The following BEST1 variants were observed in gnomAD, a reference collection of about 807,000 sequenced individuals.
BEST1 encodes the protein bestrophin 1.
In BEST1, 58 loss-of-function variants were observed where a neutral mutation model predicts 63.3. That is an observed-to-expected ratio of 0.92 (90% CI 0.74 to 1.14). The LOEUF is 1.14. BEST1 is among the 50% of genes most tolerant of loss of function. The pLI is 0.00. For missense variants in BEST1, 671 were observed against 740.1 expected, an observed-to-expected ratio of 0.91 and a Z score of 1.08; for synonymous variants, 283 against 291.6, an observed-to-expected ratio of 0.97 and a Z score of 0.30.
intron 2 of BEST1, among the ~76,000 whole-genome samples, chr11:61,953,522 C>T (rs1480935069): frequency 6.6e-6 from 1 of 152,144 alleles, no homozygotes; most frequent in East Asian, 1.9e-4. Flanking sequence ...ACCAGCCTGG[C>T]CAACATAGTG....
chr11:61,957,340 G>T (rs1262298576), intron 5 of BEST1, 47 bp from the exon 6 acceptor site: 1 of 1,552,172 alleles, frequency 6.4e-7, no homozygotes, highest in Non-Finnish European at 8.9e-7. Flanking sequence ...AGCCCAGGGT[G>T]GGGGCAGGTG....
At chr11:61,963,276 G>A in intron 10 of BEST1, 1 of 1,370,422 alleles carries the variant, frequency 7.3e-7, no homozygotes, top group Non-Finnish European at 9.4e-7. Flanking sequence ...ACCATGAGGT[G>A]GCAGTCAGCT....
rs1314498999 is a variant in BEST1, at chr11:61,960,142, CAGTA to C, written c.1100+103_1100+106del. 2.7e-5 allele frequency: 39 copies of C among 1,450,984 alleles called. No homozygotes were observed. In the East Asian group the frequency reaches 3.0e-4, roughly 11 times the overall value. 89.9% of individuals were successfully genotyped at this position (1,450,984 alleles called of 1,614,324 possible). On this transcript the variant is annotated intron_variant, in intron 9 of 10. Coordinates refer to ENST00000378043, the MANE Select transcript of BEST1 (RefSeq NM_004183.4). ...ACTAGTTAATGCATACAGGTTGCTT[CAGTA>C]AGTGTCAGGCACTGTACTATGCTCT...
chr11:61,955,905 C>G lies in BEST1; in HGVS notation c.435C>G (p.Thr145=). The G allele has an allele frequency of 6.4e-7, 1 of 1,550,390 alleles. No homozygotes were observed. Among genetic ancestry groups the G allele is most frequent in the Non-Finnish European group, 8.7e-7 (1 of 1,146,900 alleles). Reference sequence around the variant, plus strand: ...TGCTCATCCTGCGCAGCGTCAGCACCGCAGTCTACAAGCGCTTCCCCAGCG... The same window carrying G: ...TGCTCATCCTGCGCAGCGTCAGCACGGCAGTCTACAAGCGCTTCCCCAGCG... ...GNVLILRSVS[T]AVYKRFPSAQ... is the part of the protein sequence containing the mutation. Residue 145 remains threonine (T), a synonymous_variant, in exon 4 of 11, where the codon ACC becomes ACG. Coordinates refer to ENST00000378043, the MANE Select transcript of BEST1 (RefSeq NM_004183.4).
Position 61,962,434 on chromosome 11 carries a change from A to G in BEST1, c.1280A>G (p.Lys427Arg), listed in dbSNP as rs1942164948. Residue 427 changes from lysine (K) to arginine (R), a missense_variant, in exon 10 of 11, where the codon AAA (lysine) becomes AGA (arginine). Coordinates refer to ENST00000378043, the MANE Select transcript of BEST1 (RefSeq NM_004183.4). ...RESLLHEGLPKNHKAAKQNVR... is the reference protein window; with the variant it reads ...RESLLHEGLPRNHKAAKQNVR... ...TCCCTTCTCCACGAGGGCCTGCCCAAAAACCACAAGGCAGCCAAACAGAAC... is the reference window on the plus strand; with the variant it reads ...TCCCTTCTCCACGAGGGCCTGCCCAGAAACCACAAGGCAGCCAAACAGAAC... 1 of 1,614,116 alleles carries G rather than the reference A, an allele frequency of 6.2e-7. No homozygotes were observed. The highest frequency in any genetic ancestry group is 8.5e-7 in the Non-Finnish European group (1 of 1,180,052).
At chr11:61,951,632 C>G (rs1441484168) in intron 1 of BEST1, 139 bp from the exon 2 acceptor site, 4 of 802,112 alleles carry the variant, frequency 5.0e-6, no homozygotes, top group Non-Finnish European at 7.8e-6. Flanking sequence ...TCAGAACTGG[C>G]AGGGCCTTGG....
chr11:61,963,921 C>G, intron 10 of BEST1, 183 bp from the exon 11 acceptor site: 1 of 1,412,534 alleles, frequency 7.1e-7, no homozygotes, highest in Admixed American at 2.4e-5. Flanking sequence ...TTGCTTGAAC[C>G]CAGGAGGTGG....
At chr11:61,951,543 C>G (rs542309716) in intron 1 of BEST1, among the ~76,000 whole-genome samples, 81 of 152,298 alleles carry the variant, frequency 5.3e-4, no homozygotes, top group Non-Finnish European at 2.9e-4. Flanking sequence ...GCAATGCACA[C>G]GCCTATCTAC....
At position 61,957,971 on chromosome 11, in the gene BEST1, C is replaced by CACAA. The variant is rs201618914; in HGVS notation, c.715-175_715-174insACAA. On this transcript the variant is annotated intron_variant, in intron 6 of 10. Transcript: ENST00000378043. Reference sequence around the variant, plus strand: ...CCTGGGCGACACAGCAAGACTCTGTCTCAAACAAACAAACAAACAAACAAA... The same window carrying CACAA: ...CCTGGGCGACACAGCAAGACTCTGTCACAATCAAACAAACAAACAAACAAACAAA... Among the ~76,000 whole-genome samples the CACAA allele has an allele frequency of 1.1e-3, 62 of 58,904 alleles. 1 individual carries two copies. In the East Asian group the frequency reaches 0.022, roughly 21 times the overall value. The allele number at this position is 58,904 out of a possible 152,430, so 38.6% of individuals were successfully genotyped here.
chr11:61,955,347 A>C, intron 3 of BEST1, 146 bp downstream of exon 3: 9 of 1,520,310 alleles, frequency 5.9e-6, no homozygotes, highest in Non-Finnish European at 7.9e-6. Flanking sequence ...CTGTAGGGAA[A>C]GGTGCGGACT....
intron 9 of BEST1, chr11:61,960,589 T>TC (rs1247447652): frequency 6.2e-6 from 1 of 162,012 alleles, no homozygotes; most frequent in Non-Finnish European, 1.4e-5. Context: ...CAGGCTGGTC[T>TC]CCAACTCCTG....
intron 10 of BEST1, chr11:61,963,575 G>A (rs1430346913): frequency 9.7e-7 from 1 of 1,025,804 alleles, no homozygotes; most frequent in East Asian, 8.8e-5. Flanking sequence ...TCACGTGGGA[G>A]GAAGTGTAAC....
Position 61,958,898 on chromosome 11 carries a change from ACACACACATACACACACACACACACG to A in BEST1, c.868-597_868-572del, listed in dbSNP as rs1414369935. On this transcript the variant is annotated intron_variant, in intron 7 of 10. Coordinates refer to ENST00000378043, the MANE Select transcript of BEST1 (RefSeq NM_004183.4). ...GACACACACACACACACACACACAC[ACACACACATACACACACACACACACG>A]CATTCCTATTCCTCTAAATTCCCCC... The A allele has an allele frequency of 9.2e-4, 37 of 40,316 alleles. 1 individual carries two copies. The highest frequency in any genetic ancestry group is 6.5e-3 in the South Asian group (16 of 2,468). 2.5% of individuals were successfully genotyped at this position (40,316 alleles called of 1,614,324 possible).
intron 3 of BEST1, 27 bp from the exon 4 acceptor site, chr11:61,955,691 C>A: frequency 6.6e-7 from 1 of 1,514,910 alleles, no homozygotes; most frequent in South Asian, 1.2e-5. Flanking sequence ...GGCCCCTCGC[C>A]CCTCGCCCCC....
chr11:61,963,150 G>A (rs1252425033), intron 10 of BEST1: 1 of 1,453,468 alleles, frequency 6.9e-7, no homozygotes, highest in African/African-American at 1.4e-5. Flanking sequence ...AGGAAGATGA[G>A]GTTGTGCTGA....
intron 2 of BEST1, among the ~76,000 whole-genome samples, chr11:61,953,720 AAAAATC>A (rs939503180): frequency 1.4e-4 from 22 of 152,106 alleles, no homozygotes; most frequent in African/African-American, 5.3e-4. Context: ...AAAATAAAAT[AAAAATC>A]AAAAAATGAT....
intron 10 of BEST1, chr11:61,963,273 G>T: frequency 1.5e-6 from 2 of 1,370,680 alleles, no homozygotes; most frequent in Non-Finnish European, 1.9e-6. Flanking sequence ...AAAACCATGA[G>T]GTGGCAGTCA....
At chr11:61,957,698 C>T (rs536667971) in intron 6 of BEST1, among the ~76,000 whole-genome samples, 13 of 152,232 alleles carry the variant, frequency 8.5e-5, no homozygotes, top group East Asian at 5.8e-4. Flanking sequence ...AGAGGTTGGC[C>T]GGGTGCAGTG....
In BEST1 at chr11:61,962,527, T is replaced by C; in HGVS notation, c.1373T>C (p.Leu458Pro). 6.2e-7 allele frequency: 1 copy of C among 1,614,186 alleles called. No homozygotes were observed. The highest frequency in any genetic ancestry group is 8.5e-7 in the Non-Finnish European group (1 of 1,180,032). ...KAVDAFKSAP[L>P]YQRPGYYSAP... ...GTGGACGCCTTCAAGTCTGCCCCAC[T>C]GTATCAGAGGCCAGGCTACTACAGT... Residue 458 changes from leucine (L) to proline (P), a missense_variant, in exon 10 of 11, where the codon CTG becomes CCG. Transcript: ENST00000378043.
Sources: allele counts gnomAD v4.1 joint callset (sites outside exome capture counted in the v4.1 genomes callset), GRCh38; gene constraint gnomAD v4.1.1; transcripts MANE v1.5; gene names NCBI Gene and HGNC (gene_info 2026-07-23, HGNC 2026-07-21).